USP6: variants seen among roughly 807,000 people sequenced by gnomAD.
The protein encoded by USP6 is ubiquitin carboxyl-terminal hydrolase 6.
USP6 carries 128 observed loss-of-function variants against 175.7 expected under a neutral mutation model. The observed-to-expected ratio is 0.73, with a 90% CI of 0.63 to 0.84. The LOEUF (loss-of-function observed/expected upper bound fraction) is 0.84, where lower values mean the gene tolerates loss of function less well. USP6 is among the 40% of genes least tolerant of loss of function. The pLI is 0.00. For synonymous variants in USP6, 562 were observed against 630.6 expected (o/e 0.89, Z 1.63); for missense variants, 1,498 against 1,760.3 (o/e 0.85, Z 2.67).
chr17:5,155,142 T>C (rs1047642409), intron 30 of USP6, among the ~76,000 whole-genome samples: 2 of 152,228 alleles, frequency 1.3e-5, no homozygotes, highest in African/African-American at 4.8e-5. Context: ...TGAGAAATGT[T>C]TATCAGAGAA....
intron 31 of USP6, among the ~76,000 whole-genome samples, chr17:5,157,827 C>T (rs1388035402): frequency 3.3e-5 from 5 of 152,108 alleles, no homozygotes; most frequent in Non-Finnish European, 7.3e-5. Flanking sequence ...GACAGGGTTT[C>T]ACCATGTTGG....
intron 28 of USP6, 64 bp from the exon 29 acceptor site, chr17:5,147,019 A>G: frequency 6.8e-7 from 1 of 1,472,958 alleles, no homozygotes; most frequent in Non-Finnish European, 9.3e-7. Context: ...AATACATTAG[A>G]GAGAGAACTT....
In USP6 at chr17:5,132,932, G is replaced by T; in HGVS notation, c.218G>T (p.Arg73Leu). 6.2e-7 allele frequency: 1 copy of T among 1,614,148 alleles called. No individual in the cohort carries two copies. The highest frequency in any genetic ancestry group is 1.7e-5 in the Admixed American group (1 of 60,006). ...CAGAAAATTCGGCGGGAGATGACAC[G>T]AACGAGCAAGTGGATGGAAATGCTG... ...EAKKIRREMT[R>L]TSKWMEMLGE... The change falls in exon 13 of 38, where the codon CGA (arginine) becomes CTA (leucine). Residue 73 changes from arginine (R) to leucine (L), a missense_variant. Coordinates refer to ENST00000574788, the MANE Select transcript of USP6 (RefSeq NM_001304284.2). This position sits in a 1 kb window ranked among gnomAD's most constrained non-coding sequence, Gnocchi z 4.7.
At chr17:5,138,543 C>G (rs768438297) in intron 21 of USP6, among the ~76,000 whole-genome samples, 10 of 152,154 alleles carry the variant, frequency 6.6e-5, no homozygotes, top group South Asian at 6.2e-4. Context: ...GTGTCTCGCT[C>G]TCTCCCTCAC....
At chr17:5,134,051 G>A in intron 15 of USP6, 55 bp downstream of exon 15, 1 of 1,569,278 alleles carries the variant, frequency 6.4e-7, no homozygotes. Context: ...CGAGAGGGAT[G>A]GGGACTTCCC....
At chr17:5,138,883 G>A (rs139979285) in intron 21 of USP6, 18 of 828,896 alleles carry the variant, frequency 2.2e-5, no homozygotes, top group African/African-American at 1.2e-4. Context: ...CACCCACTGC[G>A]GAGACAGGTC....
Position 5,155,419 on chromosome 17 carries a change from C to T in USP6, c.2644-3C>T, listed in dbSNP as rs752913678. 1.7e-5 allele frequency: 27 copies of T among 1,612,768 alleles called. No individual in the cohort carries two copies. The South Asian group carries it at 2.9e-4, about 17-fold the overall frequency. ...AACTCTCTATTCTCGTTTGTACATACAGATGAGGACAGAACTGTATTTCCT... is the reference window on the plus strand; with the variant it reads ...AACTCTCTATTCTCGTTTGTACATATAGATGAGGACAGAACTGTATTTCCT... On this transcript the variant is annotated splice_polypyrimidine_tract_variant and splice_region_variant and intron_variant, in intron 30 of 37. Transcript: ENST00000574788.
At chr17:5,152,869 A>G (rs1274497805) in intron 30 of USP6, among the ~76,000 whole-genome samples, 1 of 152,050 alleles carries the variant, frequency 6.6e-6, no homozygotes, top group East Asian at 1.9e-4. Flanking sequence ...GGTGCCACAC[A>G]CCTGTAGTCC....
At chr17:5,146,981 G>T in intron 28 of USP6, 102 bp from the exon 29 acceptor site, 2 of 1,197,036 alleles carry the variant, frequency 1.7e-6, no homozygotes, top group Non-Finnish European at 2.3e-6. Flanking sequence ...TGGTTTTATG[G>T]ATGAAAGGAC....
At chr17:5,167,030 G>A (rs1416844118) in intron 33 of USP6, among the ~76,000 whole-genome samples, 1 of 152,154 alleles carries the variant, frequency 6.6e-6, no homozygotes, top group Admixed American at 6.6e-5. Flanking sequence ...AGATAAAAAG[G>A]CCCCATGAGG....
chr17:5,118,139 C>A (rs572265231), intron 1 of USP6, 61 bp from the exon 2 acceptor site: 1 of 152,178 alleles, frequency 6.6e-6, no homozygotes, highest in Non-Finnish European at 1.5e-5. Flanking sequence ...CTTATTCTAC[C>A]ATAGTCATGT....
In USP6 at chr17:5,144,805, A is replaced by G. The variant is rs773774641; in HGVS notation, c.1934A>G (p.Lys645Arg). The G allele has an allele frequency of 2.5e-6, 4 of 1,613,570 alleles. No homozygotes were observed. Among genetic ancestry groups the G allele is most frequent in the African/African-American group, 2.7e-5 (2 of 75,020 alleles). ...GAAGATCTCAACCGAGTCCATGAAA[A>G]GCCATATGTGGAACTGAAGGACAGT... ...LHEDLNRVHE[K>R]PYVELKDSDG... The change falls in exon 26 of 38, where the codon AAG becomes AGG. Residue 645 changes from lysine to arginine, a missense_variant. By Grantham distance (26) the Lys-to-Arg change is conservative. Around this residue, in one of 2 missense-constraint regions of USP6, gnomAD observed 1,217 missense variants for 1,500.8 expected, o/e 0.81. Coordinates refer to ENST00000574788, the MANE Select transcript of USP6 (RefSeq NM_001304284.2).
In USP6 at chr17:5,132,898, C is replaced by T. The variant is rs2073120411; in HGVS notation, c.196-12C>T. On this transcript the variant is annotated splice_polypyrimidine_tract_variant and intron_variant, in intron 12 of 37. Transcript: ENST00000574788. This position sits in a 1 kb window ranked among gnomAD's most constrained non-coding sequence, Gnocchi z 4.7. ...GGCAGCTCCACTAACTCCAACATGC[C>T]TCATTTGACAGAAAATTCGGCGGGA... The T allele has an allele frequency of 6.2e-7, 1 of 1,614,122 alleles. No homozygotes were observed. The highest frequency in any genetic ancestry group is 8.5e-7 in the Non-Finnish European group (1 of 1,179,988).
intron 31 of USP6, among the ~76,000 whole-genome samples, chr17:5,156,011 T>G (rs1034638922): frequency 1.1e-4 from 16 of 152,242 alleles, no homozygotes; most frequent in Admixed American, 6.5e-4. Context: ...CCTCTGAAAT[T>G]CAGAATGAGA....
rs529293771 is a variant in USP6, at chr17:5,143,229, C to T, written c.1818+727C>T. On this transcript the variant is annotated intron_variant, in intron 25 of 37. Transcript: ENST00000574788. ...CTGGGAAGTGAGGAGCCCCTCTGCC[C>T]GGCCACCACCCCGTCTGGGAGGTGT... Among the ~76,000 whole-genome samples the T allele has an allele frequency of 1.6e-4, 25 of 152,246 alleles. No homozygotes were observed. In the East Asian group the frequency reaches 1.7e-3, roughly 11 times the overall value.
At chr17:5,130,975 A>C (rs1479083475) in intron 11 of USP6, among the ~76,000 whole-genome samples, 1 of 152,224 alleles carries the variant, frequency 6.6e-6, no homozygotes, top group African/African-American at 2.4e-5. Context: ...GGAGCGGGGC[A>C]GCCTGAGGTT....
chr17:5,157,243 G>A (rs1377100936), intron 31 of USP6, among the ~76,000 whole-genome samples: 1 of 151,182 alleles, frequency 6.6e-6, no homozygotes, highest in Admixed American at 6.6e-5. Context: ...CTGCCACCAC[G>A]CCTGGCTAGT....
At chr17:5,123,308 G>T (rs1387468662) in intron 4 of USP6, among the ~76,000 whole-genome samples, 1 of 152,050 alleles carries the variant, frequency 6.6e-6, no homozygotes, top group African/African-American at 2.4e-5. Flanking sequence ...CGGTGGGGGG[G>T]TGGTAGAGGC....
At chr17:5,135,690 C>G in intron 16 of USP6, 118 bp from the exon 17 acceptor site, 1 of 1,589,242 alleles carries the variant, frequency 6.3e-7, no homozygotes, top group Non-Finnish European at 8.5e-7. Flanking sequence ...CCTGAGGAAG[C>G]CTCTTCTTCA....
Sources: gnomAD v4.1 joint callset for allele counts (sites outside exome capture counted in the v4.1 genomes callset) on GRCh38, gnomAD v4.1.1 for gene constraint, gnomAD v4.1.1 regional missense constraint, Gnocchi (gnomAD v3.1) non-coding constraint, MANE v1.5 for transcripts, NCBI Gene and HGNC (gene_info 2026-07-23, HGNC 2026-07-21) for gene names.